FUBP3: variants seen among roughly 807,000 people sequenced by gnomAD.
FUBP3 encodes far upstream element binding protein 3, also known as far upstream element-binding protein 3.
A neutral mutation model predicts 85.6 loss-of-function variants in FUBP3; 28 were observed. The observed-to-expected ratio is 0.33, with a 90% CI of 0.24 to 0.45. FUBP3 has a LOEUF of 0.45. Among genes scored for constraint, FUBP3 ranks in the 20% least tolerant of loss-of-function variants. The pLI is 1.00. For synonymous variants in FUBP3, 271 were observed against 271.4 expected, an observed-to-expected ratio of 1.00 and a Z score of 0.01; for missense variants, 583 against 755.1, an observed-to-expected ratio of 0.77 and a Z score of 2.67.
chr9:130,604,987 A>T (rs1831348909), intron 2 of FUBP3, among the ~76,000 whole-genome samples: 1 of 152,170 alleles, frequency 6.6e-6, no homozygotes, highest in Non-Finnish European at 1.5e-5. Context: ...ATATTAAAAC[A>T]CATATGTGAC....
chr9:130,601,316 T>C (rs1305122884), intron 2 of FUBP3, among the ~76,000 whole-genome samples: 1 of 152,246 alleles, frequency 6.6e-6, no homozygotes, highest in African/African-American at 2.4e-5. Flanking sequence ...CCAGAGCTGA[T>C]GGACAGACAG....
At chr9:130,587,063 T>TTG (rs2119005977) in intron 1 of FUBP3, among the ~76,000 whole-genome samples, 2 of 116,660 alleles carry the variant, frequency 1.7e-5, no homozygotes, top group South Asian at 2.9e-4. Flanking sequence ...TTGTTTTTTT[T>TTG]TTTTGTTTGT....
At chr9:130,595,169 T>C (rs1338208557) in intron 1 of FUBP3, among the ~76,000 whole-genome samples, 1 of 142,070 alleles carries the variant, frequency 7.0e-6, no homozygotes, top group African/African-American at 2.7e-5. Context: ...AAGGTTGCGG[T>C]GAGCCAAGAT....
At chr9:130,627,250 C>T (rs954986637) in intron 12 of FUBP3, among the ~76,000 whole-genome samples, 1 of 152,228 alleles carries the variant, frequency 6.6e-6, no homozygotes, top group Non-Finnish European at 1.5e-5. Flanking sequence ...CAGCAGGGCT[C>T]GGCTTCCGTG....
intron 2 of FUBP3, among the ~76,000 whole-genome samples, chr9:130,598,999 A>G (rs1381625608): frequency 1.3e-5 from 2 of 152,228 alleles, no homozygotes; most frequent in East Asian, 3.9e-4. Flanking sequence ...CGTATTTCCG[A>G]AAAATAAATA....
chr9:130,605,811 C>T (rs796710522), intron 2 of FUBP3, among the ~76,000 whole-genome samples: 5 of 152,282 alleles, frequency 3.3e-5, no homozygotes, highest in African/African-American at 1.2e-4. Context: ...TGGTAAAACC[C>T]CATCTCTACT....
At chr9:130,634,293 A>G (rs545797493) in intron 16 of FUBP3, among the ~76,000 whole-genome samples, 3 of 152,350 alleles carry the variant, frequency 2.0e-5, no homozygotes, top group African/African-American at 7.2e-5. Flanking sequence ...CCAGAGGCAC[A>G]GCCCCCAGGC....
At chr9:130,585,164 GA>G (rs202229532) in intron 1 of FUBP3, among the ~76,000 whole-genome samples, 5 of 150,822 alleles carry the variant, frequency 3.3e-5, no homozygotes, top group African/African-American at 9.7e-5. Flanking sequence ...TGTCTCAAAA[GA>G]AAAAAAAAGA....
At chr9:130,633,441 T>C (rs919362973) in intron 16 of FUBP3, among the ~76,000 whole-genome samples, 6 of 152,116 alleles carry the variant, frequency 3.9e-5, no homozygotes, top group African/African-American at 1.4e-4. Context: ...GTGGCCAGGA[T>C]TGACTCTGGG....
At chr9:130,601,837 T>C (rs1182850569) in intron 2 of FUBP3, among the ~76,000 whole-genome samples, 1 of 148,672 alleles carries the variant, frequency 6.7e-6, no homozygotes, top group East Asian at 2.0e-4. Context: ...AGTCTTGCTC[T>C]GTCACCCAGG....
At chr9:130,621,533 T>C (rs766497191) in intron 9 of FUBP3, among the ~76,000 whole-genome samples, 33 of 152,182 alleles carry the variant, frequency 2.2e-4, no homozygotes, top group Non-Finnish European at 3.8e-4. Context: ...AATTACTATT[T>C]TTCATCTTTT....
In FUBP3 at chr9:130,636,091, G is replaced by A. The variant is rs372245867; in HGVS notation, c.1675G>A (p.Gly559Arg). ...EYYRQQVAFY[G>R]QTLGQAQAHS... The stretch of plus-strand genomic sequence containing the variant: ...TTACAGACAGCAGGTCGCTTTCTAC[G>A]GACAGACGTTAGGGCAGGCGCAGGC... Residue 559 changes from glycine (G) to arginine (R), a missense_variant, in exon 18 of 19, where the codon GGA (glycine) becomes AGA (arginine). Around this residue, in one of 3 missense-constraint regions of FUBP3, gnomAD observed 404 missense variants for 516.8 expected, o/e 0.78. Coordinates refer to ENST00000319725, the MANE Select transcript of FUBP3 (RefSeq NM_003934.2). 62 of 1,613,580 alleles carry A rather than the reference G, an allele frequency of 3.8e-5. No individual in the cohort carries two copies. Among genetic ancestry groups the A allele is most frequent in the Non-Finnish European group, 4.3e-5 (51 of 1,179,876 alleles).
intron 12 of FUBP3, 72 bp from the exon 13 acceptor site, chr9:130,630,556 C>A: frequency 7.9e-7 from 1 of 1,263,980 alleles, no homozygotes; most frequent in Non-Finnish European, 1.1e-6. Context: ...TCTTCTGGAG[C>A]CAAGTGCCCC....
At chr9:130,623,495 T>C in intron 10 of FUBP3, 116 bp from the exon 11 acceptor site, 1 of 692,490 alleles carries the variant, frequency 1.4e-6, no homozygotes, top group East Asian at 2.5e-5. Context: ...GCTGGCAGTA[T>C]TCCTGTTGCC....
Position 130,579,762 on chromosome 9 carries a change from C to G in FUBP3, c.82C>G (p.Gln28Glu). 1.6e-6 allele frequency: 2 copies of G among 1,276,790 alleles called. No individual in the cohort carries two copies. The highest frequency in any genetic ancestry group is 2.0e-6 in the Non-Finnish European group (2 of 1,009,070). The allele number at this position is 1,276,790 out of a possible 1,614,324, so 79.1% of individuals were successfully genotyped here. The change falls in exon 1 of 19, where the codon CAG becomes GAG. Residue 28 changes from glutamine (Q) to glutamate (E), a missense_variant and splice_region_variant. Gln to Glu is a conservative substitution (Grantham distance 29). Coordinates refer to ENST00000319725, the MANE Select transcript of FUBP3 (RefSeq NM_003934.2). ...GFVDALHRVR[Q>E]IAAKIDSIPH... The stretch of plus-strand genomic sequence containing the variant: ...CGTGGATGCCCTGCACCGGGTCCGG[C>G]AGGTACGGGCGCAGCCGGCTGGCAG...
Position 130,630,667 on chromosome 9 carries a change from C to CT in FUBP3, c.1157_1158insT (p.His387AlafsTer37). Reference sequence around the variant, plus strand: ...AAAAGCATCAACCAGCAGTCAGGGGCGCACGTGGAGCTTCAGAGGAACCCC... The same window carrying CT: ...AAAAGCATCAACCAGCAGTCAGGGGCTGCACGTGGAGCTTCAGAGGAACCCC... On this transcript the variant is annotated frameshift_variant, in exon 13 of 19. Coordinates refer to ENST00000319725, the MANE Select transcript of FUBP3 (RefSeq NM_003934.2). LOFTEE classifies it high-confidence loss of function. 6.2e-7 allele frequency: 1 copy of CT among 1,600,694 alleles called. No homozygotes were observed. The highest frequency in any genetic ancestry group is 8.5e-7 in the Non-Finnish European group (1 of 1,173,706).
At chr9:130,618,760 T>C (rs1192183556) in intron 8 of FUBP3, among the ~76,000 whole-genome samples, 7 of 152,118 alleles carry the variant, frequency 4.6e-5, no homozygotes, top group Non-Finnish European at 7.4e-5. Flanking sequence ...TCTGGGAGCA[T>C]TGGGTTTTGA....
At position 130,582,590 on chromosome 9, in the gene FUBP3, C is replaced by G. The variant is rs78823998; in HGVS notation, c.84+2826C>G. On this transcript the variant is annotated intron_variant, in intron 1 of 18. Transcript: ENST00000319725. ...TGGCTGGTTAGCAGAAGTAGTGTTT[C>G]TTCAACTAGTTCAGATAAGACAAAA... Among the ~76,000 whole-genome samples the G allele has an allele frequency of 1.5e-3, 229 of 152,290 alleles. 3 individuals are homozygous for G. Among genetic ancestry groups the G allele is most frequent in the African/African-American group, 5.2e-3 (215 of 41,554 alleles).
At chr9:130,626,624 G>T (rs1012018015) in intron 12 of FUBP3, 119 bp downstream of exon 12, 6 of 1,012,466 alleles carry the variant, frequency 5.9e-6, no homozygotes, top group Non-Finnish European at 8.7e-6. Flanking sequence ...GGGGCTGCCC[G>T]GTCTGGAGGC....
Sources: gnomAD v4.1 joint callset for allele counts (sites outside exome capture counted in the v4.1 genomes callset) on GRCh38, gnomAD v4.1.1 for gene constraint, gnomAD v4.1.1 regional missense constraint, MANE v1.5 for transcripts, NCBI Gene and HGNC (gene_info 2026-07-23, HGNC 2026-07-21) for gene names.